The following RPH3A variants were observed in gnomAD, a reference collection of about 807,000 sequenced individuals.
RPH3A encodes rabphilin 3A.
Under a neutral mutation model 102.2 loss-of-function variants are expected in RPH3A, and 48 were observed. That is an observed-to-expected ratio of 0.47 (90% CI 0.37 to 0.60). The LOEUF (loss-of-function observed/expected upper bound fraction) is 0.60, where lower values mean the gene tolerates loss of function less well. Among genes scored for constraint, RPH3A ranks in the 20% least tolerant of loss-of-function variants. The pLI is 0.00. For missense variants in RPH3A, 781 were observed against 910.1 expected, an observed-to-expected ratio of 0.86 and a Z score of 1.83; for synonymous variants, 310 against 324.3, an observed-to-expected ratio of 0.96 and a Z score of 0.47.
chr12:112,632,817 A>G (rs1351781122), intron 1 of RPH3A, among the ~76,000 whole-genome samples: 1 of 152,138 alleles, frequency 6.6e-6, no homozygotes, highest in Non-Finnish European at 1.5e-5. Context: ...AAGGGAGAGA[A>G]GTGAGAGGTG....
Position 112,630,456 on chromosome 12 carries a change from T to C in RPH3A, c.-140+55137T>C, listed in dbSNP as rs1450470294. Among the ~76,000 whole-genome samples, 3 of 152,180 alleles carry C rather than the reference T, an allele frequency of 2.0e-5. No homozygotes were observed. The East Asian group carries it at 5.8e-4, about 29-fold the overall frequency. On this transcript the variant is annotated intron_variant, in intron 1 of 21. Transcript: ENST00000543106. ...TCAGCCTGATGCCGTGGGGGAACTC[T>C]AGAGCATAAATTCCACCATGGAGTT...
At chr12:112,794,923 C>T (rs1400788891) in intron 2 of RPH3A, among the ~76,000 whole-genome samples, 1 of 152,212 alleles carries the variant, frequency 6.6e-6, no homozygotes, top group Non-Finnish European at 1.5e-5. Flanking sequence ...AATCAGGAAG[C>T]TTAGCCATGG....
At chr12:112,895,240 T>C (rs2043160279) in intron 20 of RPH3A, among the ~76,000 whole-genome samples, 1 of 152,058 alleles carries the variant, frequency 6.6e-6, no homozygotes, top group Non-Finnish European at 1.5e-5. Context: ...ATAGCTGCAA[T>C]TACAGGTGCC....
chr12:112,785,668 AG>A (rs2041044013), intron 1 of RPH3A, among the ~76,000 whole-genome samples: 1 of 152,208 alleles, frequency 6.6e-6, no homozygotes, highest in East Asian at 1.9e-4. Flanking sequence ...CATATAAGGA[AG>A]TGCTATCATT....
At chr12:112,868,260 T>G in intron 7 of RPH3A, 170 bp from the exon 8 acceptor site, 1 of 622,108 alleles carries the variant, frequency 1.6e-6, no homozygotes, top group East Asian at 2.8e-5. Context: ...TCAGGGTGGA[T>G]GGGCTGAATA....
At chr12:112,852,490 A>G (rs1171841552) in intron 5 of RPH3A, among the ~76,000 whole-genome samples, 1 of 152,222 alleles carries the variant, frequency 6.6e-6, no homozygotes, top group Non-Finnish European at 1.5e-5. Context: ...GCCTAGCCTC[A>G]TAAAAGGCCT....
intron 5 of RPH3A, among the ~76,000 whole-genome samples, chr12:112,853,778 A>G (rs1161050879): frequency 1.3e-5 from 2 of 152,116 alleles, no homozygotes; most frequent in African/African-American, 4.8e-5. Flanking sequence ...CAGTGAGCCA[A>G]GATCGTGACA....
chr12:112,850,741 A>G (rs1343117085), intron 5 of RPH3A: 2 of 152,242 alleles, frequency 1.3e-5, no homozygotes, highest in African/African-American at 2.4e-5. Flanking sequence ...GCCAAGTGAA[A>G]CATCAGACAT....
At chr12:112,885,316 C>T (rs1565943322) in intron 16 of RPH3A, among the ~76,000 whole-genome samples, 1 of 152,220 alleles carries the variant, frequency 6.6e-6, no homozygotes, top group Non-Finnish European at 1.5e-5. Flanking sequence ...CCAGTGTGCA[C>T]TCCTATCAGC....
chr12:112,761,924 G>T (rs539388851), intron 1 of RPH3A, among the ~76,000 whole-genome samples: 1 of 152,272 alleles, frequency 6.6e-6, no homozygotes, highest in East Asian at 1.9e-4. Context: ...TCCACAAACT[G>T]CTTGGGTTCA....
At chr12:112,807,154 T>C (rs1041611732) in intron 2 of RPH3A, among the ~76,000 whole-genome samples, 2 of 151,666 alleles carry the variant, frequency 1.3e-5, no homozygotes, top group Non-Finnish European at 2.9e-5. Flanking sequence ...CTGAGAGCAA[T>C]GGGGTCTCAC....
intron 2 of RPH3A, among the ~76,000 whole-genome samples, chr12:112,800,309 A>T (rs1198680245): frequency 6.6e-6 from 1 of 152,188 alleles, no homozygotes; most frequent in Non-Finnish European, 1.5e-5. Flanking sequence ...AAGTGGGGGC[A>T]GTAAGTGCAA....
intron 1 of RPH3A, among the ~76,000 whole-genome samples, chr12:112,701,746 T>C (rs1477158456): frequency 6.6e-6 from 1 of 152,178 alleles, no homozygotes; most frequent in Non-Finnish European, 1.5e-5. Context: ...GAGACAGTAA[T>C]GAAACATAAC....
Position 112,774,063 on chromosome 12 carries a change from C to CAAAAAAAAAAAAAAAAA in RPH3A, c.-139-18066_-139-18065insAAAAAAAAAAAAAAAAA, listed in dbSNP as rs11375355. 5.3e-4 allele frequency among the ~76,000 whole-genome samples: 57 copies of CAAAAAAAAAAAAAAAAA among 108,348 alleles called. 1 individual carries two copies. Among genetic ancestry groups the CAAAAAAAAAAAAAAAAA allele is most frequent in the Non-Finnish European group, 5.9e-4 (33 of 56,376 alleles). 71.1% of individuals were successfully genotyped at this position (108,348 alleles called of 152,430 possible). A position where few individuals can be genotyped will look rare whatever the true frequency, so the allele number is the denominator to read the frequency against. On this transcript the variant is annotated intron_variant, in intron 1 of 21. Transcript: ENST00000543106. ...TCACGCCACTGCACTCCAGCCTGGGCAAAAAAAAAAAAAAGAAAAAGAGAA... is the reference window on the plus strand; with the variant it reads ...TCACGCCACTGCACTCCAGCCTGGGCAAAAAAAAAAAAAAAAAAAAAAAAAAAAAAAGAAAAAGAGAA...
At chr12:112,824,504 C>T (rs1057308789) in intron 2 of RPH3A, among the ~76,000 whole-genome samples, 2 of 152,178 alleles carry the variant, frequency 1.3e-5, no homozygotes, top group Non-Finnish European at 2.9e-5. Context: ...TGCATCTCCA[C>T]CTCCATCCCA....
At chr12:112,758,003 C>G (rs1156831819) in intron 1 of RPH3A, among the ~76,000 whole-genome samples, 1 of 152,186 alleles carries the variant, frequency 6.6e-6, no homozygotes, top group Non-Finnish European at 1.5e-5. Flanking sequence ...CCTTGTATCA[C>G]TCATAGAAAT....
chr12:112,887,665 A>C, intron 16 of RPH3A, 132 bp from the exon 17 acceptor site: 1 of 1,029,214 alleles, frequency 9.7e-7, no homozygotes, highest in Non-Finnish European at 1.4e-6. Context: ...TCCAGTGATA[A>C]ATAAACAGGA....
intron 1 of RPH3A, among the ~76,000 whole-genome samples, chr12:112,780,976 A>G (rs1418716964): frequency 2.0e-5 from 3 of 152,090 alleles, no homozygotes; most frequent in Non-Finnish European, 2.9e-5. Flanking sequence ...CAACATGGTG[A>G]AACCCTGTCT....
At chr12:112,594,153 C>T (rs56098743) in intron 1 of RPH3A, among the ~76,000 whole-genome samples, 46,607 of 152,108 alleles carry the variant, frequency 0.31, 8,242 homozygotes, top group Non-Finnish European at 0.39. Flanking sequence ...AGTTTTATCT[C>T]TCTGACTTCT....
Sources: allele counts gnomAD v4.1 joint callset (sites outside exome capture counted in the v4.1 genomes callset), GRCh38; gene constraint gnomAD v4.1.1; transcripts MANE v1.5; gene names NCBI Gene and HGNC (gene_info 2026-07-23, HGNC 2026-07-21).